The following TRPM3 variants were observed in gnomAD, a reference collection of about 807,000 sequenced individuals.
TRPM3 encodes transient receptor potential cation channel subfamily M member 3, also known as long transient receptor potential channel 3.
TRPM3 carries 77 observed loss-of-function variants against 181.2 expected under a neutral mutation model. The ratio of observed to expected loss-of-function variants is 0.42; its 90% confidence interval spans 0.35 to 0.51. The LOEUF (loss-of-function observed/expected upper bound fraction) is 0.51. Among genes scored for constraint, TRPM3 ranks in the 20% least tolerant of loss-of-function variants. The pLI, the probability that TRPM3 is intolerant of heterozygous loss-of-function variation, is 0.01. For synonymous variants in TRPM3, 745 were observed against 796.4 expected (o/e 0.94, Z 1.09); for missense variants, 1,759 against 2,196.7 (o/e 0.80, Z 3.98).
chr9:71,243,765 A>G (rs1313846308), intron 1 of TRPM3, among the ~76,000 whole-genome samples: 1 of 152,260 alleles, frequency 6.6e-6, no homozygotes, highest in Non-Finnish European at 1.5e-5. Flanking sequence ...GAAAGCATTA[A>G]TAACACATGC....
At chr9:70,700,150 T>G (rs1033791152) in intron 8 of TRPM3, among the ~76,000 whole-genome samples, 2 of 152,000 alleles carry the variant, frequency 1.3e-5, no homozygotes, top group African/African-American at 2.4e-5. Context: ...GCCCGGCTAA[T>G]TTTTGTATTT....
chr9:70,744,762 T>C (rs1242878130), intron 8 of TRPM3, among the ~76,000 whole-genome samples: 2 of 152,178 alleles, frequency 1.3e-5, no homozygotes, highest in Admixed American at 6.5e-5. Flanking sequence ...ATCTCACAGT[T>C]TAATATTCAT....
chr9:70,581,225 G>C (rs1284053013), intron 22 of TRPM3, among the ~76,000 whole-genome samples: 1 of 151,776 alleles, frequency 6.6e-6, no homozygotes, highest in African/African-American at 2.4e-5. Flanking sequence ...TCCCTGAATT[G>C]AGTGTGTCAC....
chr9:71,133,973 T>TTG lies in TRPM3; in HGVS notation c.184-269464_184-269463dup, dbSNP rs72198070. On this transcript the variant is annotated intron_variant, in intron 1 of 24. Transcript: ENST00000357533. ...TGCCTACTATCTAAACTGTGTGTGT[T>TTG]TGTGTGTGTGTGTGTGTGTGTGTGT... 3.5e-3 allele frequency among the ~76,000 whole-genome samples: 513 copies of TTG among 148,558 alleles called. 4 individuals are homozygous for TTG. Among genetic ancestry groups the TTG allele is most frequent in the East Asian group, 0.033 (161 of 4,914 alleles).
At chr9:71,021,796 T>G (rs1388066580) in intron 1 of TRPM3, among the ~76,000 whole-genome samples, 1 of 152,212 alleles carries the variant, frequency 6.6e-6, no homozygotes, top group East Asian at 1.9e-4. Flanking sequence ...AAATCACAGT[T>G]TAACCAGAGG....
At chr9:71,035,758 T>C (rs2058103050) in intron 1 of TRPM3, among the ~76,000 whole-genome samples, 1 of 151,938 alleles carries the variant, frequency 6.6e-6, no homozygotes, top group Non-Finnish European at 1.5e-5. Flanking sequence ...AAACAAAAAA[T>C]GTACTCCTTT....
At chr9:70,549,793 T>C in intron 24 of TRPM3, 119 bp from the exon 25 acceptor site, 1 of 1,066,892 alleles carries the variant, frequency 9.4e-7, no homozygotes, top group Non-Finnish European at 1.3e-6. Flanking sequence ...CCTAGATTCC[T>C]TGTTAAGTCT....
intron 1 of TRPM3, among the ~76,000 whole-genome samples, chr9:70,948,536 T>G (rs1401448033): frequency 1.3e-5 from 2 of 152,310 alleles, no homozygotes; most frequent in Non-Finnish European, 2.9e-5. Context: ...TATAAAGAAC[T>G]GAGACTGTGA....
At chr9:70,656,941 T>C (rs1055239151) in intron 9 of TRPM3, among the ~76,000 whole-genome samples, 10 of 151,304 alleles carry the variant, frequency 6.6e-5, no homozygotes, top group Non-Finnish European at 1.2e-4. Flanking sequence ...TTTTTTTTGG[T>C]AAGAAATCTT....
intron 1 of TRPM3, among the ~76,000 whole-genome samples, chr9:71,168,292 C>G (rs1399322325): frequency 1.3e-5 from 2 of 152,086 alleles, no homozygotes; most frequent in Non-Finnish European, 2.9e-5. Context: ...AGTTTTCACT[C>G]TTTTGTACTT....
intron 6 of TRPM3, among the ~76,000 whole-genome samples, chr9:70,822,639 G>A (rs909561882): frequency 2.0e-5 from 3 of 152,064 alleles, no homozygotes; most frequent in Non-Finnish European, 4.4e-5. Flanking sequence ...GGTGATCATT[G>A]CACAAAAACA....
At chr9:70,886,272 A>G (rs2096080793) in intron 1 of TRPM3, among the ~76,000 whole-genome samples, 1 of 152,156 alleles carries the variant, frequency 6.6e-6, no homozygotes, top group Admixed American at 6.5e-5. Flanking sequence ...ACCTCAAATC[A>G]TCTTTGAAAA....
At chr9:71,048,619 G>C (rs1322699692) in intron 1 of TRPM3, among the ~76,000 whole-genome samples, 2 of 152,170 alleles carry the variant, frequency 1.3e-5, no homozygotes, top group African/African-American at 4.8e-5. Context: ...CGGCCAGAAG[G>C]TAGAACCATG....
chr9:70,981,999 T>C (rs1312468600), intron 1 of TRPM3, among the ~76,000 whole-genome samples: 1 of 152,198 alleles, frequency 6.6e-6, no homozygotes, highest in African/African-American at 2.4e-5. Context: ...AAGCAAACCT[T>C]ACAAAGTTTC....
chr9:70,831,199 C>T (rs528642491), intron 5 of TRPM3, among the ~76,000 whole-genome samples: 5 of 152,230 alleles, frequency 3.3e-5, no homozygotes, highest in Admixed American at 2.0e-4. Flanking sequence ...TCATAGCAAA[C>T]GTACCAGCAA....
chr9:71,416,776 C>T (rs1251197561), intron 1 of TRPM3, among the ~76,000 whole-genome samples: 1 of 151,900 alleles, frequency 6.6e-6, no homozygotes, highest in East Asian at 1.9e-4. Context: ...GACAAAACTA[C>T]CACCATAAGA....
At chr9:70,700,385 G>A (rs778419584) in intron 8 of TRPM3, among the ~76,000 whole-genome samples, 23 of 152,156 alleles carry the variant, frequency 1.5e-4, no homozygotes, top group Non-Finnish European at 2.5e-4. Flanking sequence ...TTGAGTATAA[G>A]CCCAGGGCAG....
intron 1 of TRPM3, chr9:70,916,875 A>G: frequency 1.6e-6 from 1 of 627,512 alleles, no homozygotes; most frequent in African/African-American, 1.8e-5. Flanking sequence ...ATCAAACTTG[A>G]AAAGTCAGTG....
chr9:70,655,972 A>G (rs541720275), intron 9 of TRPM3, among the ~76,000 whole-genome samples: 1 of 152,360 alleles, frequency 6.6e-6, no homozygotes, highest in African/African-American at 2.4e-5. Flanking sequence ...AACATATAAA[A>G]GAGCTCTAAT....
Sources: allele counts gnomAD v4.1 joint callset (sites outside exome capture counted in the v4.1 genomes callset), GRCh38; gene constraint gnomAD v4.1.1; transcripts MANE v1.5; gene names NCBI Gene and HGNC (gene_info 2026-07-23, HGNC 2026-07-21).